Variants in PSME4 observed in about 807,000 individuals in gnomAD.
The protein encoded by PSME4 is proteasome activator complex subunit 4.
PSME4 carries 89 observed loss-of-function variants against 253.9 expected under a neutral mutation model. The ratio of observed to expected loss-of-function variants is 0.35; its 90% CI spans 0.30 to 0.42. The LOEUF is 0.42. PSME4 is among the 10% of genes least tolerant of loss of function. PSME4 has a pLI of 1.00. For missense variants in PSME4, 2,014 were observed against 2,195.2 expected, an observed-to-expected ratio of 0.92 and a Z score of 1.65; for synonymous variants, 851 against 759.2, an observed-to-expected ratio of 1.12 and a Z score of -1.99.
intron 27 of PSME4, among the ~76,000 whole-genome samples, chr2:53,902,965 C>G (rs1680481674): frequency 6.6e-6 from 1 of 152,178 alleles, no homozygotes; most frequent in African/African-American, 2.4e-5. Context: ...ACTCTACTCA[C>G]TGAGTCTTCC....
In PSME4 at chr2:53,923,437, T is replaced by G. The variant is rs1394443009; in HGVS notation, c.1810-18A>C. ...AGGGCCACCTGTTAAGATATGAAAA[T>G]GTTTAATGAGCATTTTTTAAGAAAA... On this transcript the variant is annotated intron_variant, in intron 14 of 46. Transcript: ENST00000404125. The G allele has an allele frequency of 6.4e-7, 1 of 1,565,646 alleles. No individual in the cohort carries two copies.
chr2:53,921,765 G>C (rs1489897870), intron 17 of PSME4, among the ~76,000 whole-genome samples: 39 of 140,778 alleles, frequency 2.8e-4, no homozygotes, highest in African/African-American at 8.0e-4. Flanking sequence ...CTACTTGGGA[G>C]GCTGAGGCAG....
chr2:53,963,269 C>G (rs955058749), intron 1 of PSME4, among the ~76,000 whole-genome samples: 6 of 151,946 alleles, frequency 3.9e-5, no homozygotes, highest in Admixed American at 2.6e-4. Context: ...AAGGTTAAAA[C>G]AGGGGGGTAT....
chr2:53,868,460 A>G (rs1678680493), intron 44 of PSME4, among the ~76,000 whole-genome samples: 1 of 111,428 alleles, frequency 9.0e-6, no homozygotes, highest in African/African-American at 3.4e-5. Flanking sequence ...TCCAAAAAAT[A>G]TATATTATAA....
At chr2:53,967,312 G>T (rs751097787) in intron 1 of PSME4, among the ~76,000 whole-genome samples, 4 of 152,006 alleles carry the variant, frequency 2.6e-5, no homozygotes, top group Non-Finnish European at 5.9e-5. Flanking sequence ...ATGTTAAACA[G>T]ACCTGCAAGT....
intron 27 of PSME4, among the ~76,000 whole-genome samples, chr2:53,902,848 T>C (rs1233692475): frequency 1.3e-5 from 2 of 152,224 alleles, no homozygotes; most frequent in African/African-American, 2.4e-5. Context: ...CTTTTACTTT[T>C]ACAAAAGCAA....
At chr2:53,898,717 TATTA>T in intron 29 of PSME4, among the ~76,000 whole-genome samples, 1 of 152,154 alleles carries the variant, frequency 6.6e-6, no homozygotes, top group East Asian at 1.9e-4. Flanking sequence ...TATAAGAGTT[TATTA>T]TTTATAGACA....
Position 53,892,913 on chromosome 2 carries a change from G to C in PSME4, c.4086C>G (p.Pro1362=). 1 of 1,613,576 alleles carries C rather than the reference G, an allele frequency of 6.2e-7. No homozygotes were observed. Among genetic ancestry groups the C allele is most frequent in the Non-Finnish European group, 8.5e-7 (1 of 1,179,758 alleles). The change falls in exon 36 of 47, where the codon CCC becomes CCG. Residue 1362 remains proline, a synonymous_variant. Coordinates refer to ENST00000404125, the MANE Select transcript of PSME4 (RefSeq NM_014614.3). ...FDDAFLPVLK[P]HLEHLVADSH... ...AATCTGCAACCAAATGTTCTAAATG[G>C]GGCTTCAGAACTGGCAGGAAGGCAT...
intron 1 of PSME4, among the ~76,000 whole-genome samples, chr2:53,970,011 C>A (rs1255178798): frequency 6.6e-6 from 1 of 152,116 alleles, no homozygotes; most frequent in South Asian, 2.1e-4. Flanking sequence ...TGAGAGGGCC[C>A]CCAAAAAGCA....
chr2:53,876,922 T>C (rs1679159732), intron 41 of PSME4, among the ~76,000 whole-genome samples: 1 of 151,490 alleles, frequency 6.6e-6, no homozygotes, highest in African/African-American at 2.4e-5. Flanking sequence ...AGAATCTCAC[T>C]GTGTTGCCCA....
chr2:53,931,051 G>C (rs1668806096), intron 10 of PSME4, among the ~76,000 whole-genome samples: 1 of 152,228 alleles, frequency 6.6e-6, no homozygotes. Context: ...GCCAAGGCGA[G>C]TGGATCACCT....
chr2:53,946,299 T>G (rs1304591044), intron 3 of PSME4, among the ~76,000 whole-genome samples: 1 of 152,196 alleles, frequency 6.6e-6, no homozygotes, highest in Non-Finnish European at 1.5e-5. Flanking sequence ...CCTCCTCCTT[T>G]CATTTACAAA....
rs1352834353 is a variant in PSME4 at position 53,896,795 on chromosome 2, A to G, written c.3688+9T>C. On this transcript the variant is annotated intron_variant, in intron 32 of 46. Coordinates refer to ENST00000404125, the MANE Select transcript of PSME4 (RefSeq NM_014614.3). ...GAAAGCACTATTAATTACTTCTGGT[A>G]GTACTCACTGATTTCACAGGGGTTA... 1 of 1,583,970 alleles carries G rather than the reference A, an allele frequency of 6.3e-7. No homozygotes were observed. Among genetic ancestry groups the G allele is most frequent in the Non-Finnish European group, 8.7e-7 (1 of 1,152,648 alleles).
chr2:53,885,650 G>C, intron 41 of PSME4, 40 bp downstream of exon 41: 2 of 1,434,298 alleles, frequency 1.4e-6, no homozygotes, highest in Non-Finnish European at 2.0e-6. Context: ...CCTTATGAAG[G>C]TCAAAAGGAG....
At chr2:53,929,039 G>T (rs1285945927) in intron 10 of PSME4, among the ~76,000 whole-genome samples, 1 of 152,042 alleles carries the variant, frequency 6.6e-6, no homozygotes, top group African/African-American at 2.4e-5. Context: ...GGTGGTGCAT[G>T]CCTGTAATCC....
intron 17 of PSME4, among the ~76,000 whole-genome samples, chr2:53,922,151 G>A (rs988431987): frequency 2.6e-5 from 4 of 151,950 alleles, no homozygotes; most frequent in Admixed American, 2.0e-4. Flanking sequence ...CAGCGTGGGC[G>A]ATAGTGAGAC....
intron 1 of PSME4, among the ~76,000 whole-genome samples, chr2:53,960,356 G>A (rs2104487063): frequency 6.7e-6 from 1 of 148,808 alleles, no homozygotes; most frequent in African/African-American, 2.5e-5. Flanking sequence ...CCAACATCAG[G>A]CCGCTGTACT....
chr2:53,927,059 T>C (rs764840538), intron 12 of PSME4, among the ~76,000 whole-genome samples: 2 of 152,120 alleles, frequency 1.3e-5, no homozygotes, highest in Non-Finnish European at 2.9e-5. Flanking sequence ...TCATTAAATG[T>C]CAATCCCTTG....
rs367647969 is a variant in PSME4, at chr2:53,899,840, T to C, written c.3422+41A>G. ...CTCAAAAAAAAGCCAAAACTTACTA[T>C]CTATAATGTCATCTATTGAAGTACA... On this transcript the variant is annotated intron_variant, in intron 29 of 46. Transcript: ENST00000404125. 5.6e-6 allele frequency: 9 copies of C among 1,600,246 alleles called. No homozygotes were observed. The African/African-American group carries it at 9.5e-5, about 17-fold the overall frequency.
Sources: gnomAD v4.1 joint callset for allele counts (sites outside exome capture counted in the v4.1 genomes callset) on GRCh38, gnomAD v4.1.1 for gene constraint, MANE v1.5 for transcripts, NCBI Gene and HGNC (gene_info 2026-07-23, HGNC 2026-07-21) for gene names.